Variants in TENM3 observed in about 807,000 individuals in gnomAD.
The protein encoded by TENM3 is teneurin transmembrane protein 3.
In TENM3, 63 loss-of-function variants were observed where a neutral mutation model predicts 255.1. The observed-to-expected ratio is 0.25, with a 90% CI of 0.20 to 0.30. TENM3 has a LOEUF of 0.30. Among genes scored for constraint, TENM3 ranks in the 10% least tolerant of loss-of-function variants. The probability of loss-of-function intolerance (pLI) is 1.00; values close to 1 mark genes in which losing one functional copy is unlikely to be tolerated. For missense variants in TENM3, 2,929 were observed against 3,461.1 expected (o/e 0.85, Z 3.86); for synonymous variants, 1,306 against 1,322.3 (o/e 0.99, Z 0.27).
the TENM3 span, among the ~76,000 whole-genome samples, chr4:181,570,239 G>T: frequency 6.6e-6 from 1 of 151,834 alleles, no homozygotes; most frequent in Admixed American, 6.6e-5. Flanking sequence ...TAGAGACGGG[G>T]TTTCACCTTG....
rs573778586 is a variant in TENM3 at position 182,306,423 on chromosome 4, TAA to T, written c.-75-17522_-75-17521del. 5.1e-4 allele frequency among the ~76,000 whole-genome samples: 78 copies of T among 152,300 alleles called. 1 individual carries two copies. In the South Asian group the frequency reaches 8.5e-3, roughly 17 times the overall value. ...TTGAAAGCATACGTGAAAATGTTTA[TAA>T]GTTATAATACATTTTATATGTATGT... On this transcript the variant is annotated intron_variant, in intron 1 of 27. Coordinates refer to ENST00000511685, the MANE Select transcript of TENM3 (RefSeq NM_001080477.4).
chr4:181,840,535 C>G, the TENM3 span, among the ~76,000 whole-genome samples: 23 of 152,098 alleles, frequency 1.5e-4, no homozygotes, highest in African/African-American at 5.1e-4. Context: ...GAATTACGGA[C>G]AGTAGGCTGC....
the TENM3 span, among the ~76,000 whole-genome samples, chr4:181,503,402 CA>C: frequency 6.6e-6 from 1 of 152,156 alleles, no homozygotes; most frequent in Admixed American, 6.5e-5. Context: ...ATCATTTATA[CA>C]GTGACATATA....
At chr4:181,540,284 C>T in the TENM3 span, among the ~76,000 whole-genome samples, 2 of 151,910 alleles carry the variant, frequency 1.3e-5, no homozygotes, top group Admixed American at 1.3e-4. Flanking sequence ...AAATAACGGG[C>T]CACAAGTACT....
At chr4:181,591,355 C>T in the TENM3 span, among the ~76,000 whole-genome samples, 2 of 152,146 alleles carry the variant, frequency 1.3e-5, no homozygotes, top group African/African-American at 4.8e-5. Context: ...GTCTATGACC[C>T]ATCCATTCAA....
chr4:182,551,324 A>G (rs1741989570), intron 3 of TENM3, among the ~76,000 whole-genome samples: 1 of 152,102 alleles, frequency 6.6e-6, no homozygotes, highest in African/African-American at 2.4e-5. Flanking sequence ...GCTCTCAGCT[A>G]AAATTTTCTG....
At chr4:181,768,693 T>C in the TENM3 span, among the ~76,000 whole-genome samples, 1 of 152,192 alleles carries the variant, frequency 6.6e-6, no homozygotes, top group African/African-American at 2.4e-5. Context: ...TTCATAAGTA[T>C]GCTTTTATTA....
chr4:182,613,537 A>T (rs983062955), intron 4 of TENM3, among the ~76,000 whole-genome samples: 1 of 152,154 alleles, frequency 6.6e-6, no homozygotes, highest in Admixed American at 6.5e-5. Context: ...AGCTGTGGTT[A>T]TGCTTAAATT....
intron 3 of TENM3, among the ~76,000 whole-genome samples, chr4:182,592,926 A>G (rs1287546716): frequency 2.6e-5 from 4 of 152,256 alleles, no homozygotes; most frequent in African/African-American, 9.6e-5. Flanking sequence ...CAAATCATCC[A>G]TAAATATGTT....
chr4:182,336,930 G>T (rs186940415), intron 2 of TENM3, among the ~76,000 whole-genome samples: 3 of 148,636 alleles, frequency 2.0e-5, no homozygotes, highest in Non-Finnish European at 4.4e-5. Flanking sequence ...ATCTTTGAGA[G>T]CCTCTGAGTC....
the TENM3 span, among the ~76,000 whole-genome samples, chr4:181,872,954 CT>C: frequency 2.0e-5 from 3 of 151,982 alleles, no homozygotes; most frequent in Non-Finnish European, 2.9e-5. Context: ...TTGCCTTATT[CT>C]CTTATTTTTA....
intron 22 of TENM3, among the ~76,000 whole-genome samples, chr4:182,766,106 G>T (rs887979655): frequency 5.9e-5 from 9 of 152,138 alleles, no homozygotes; most frequent in African/African-American, 2.2e-4. Context: ...CTCGCTCAGT[G>T]CCAGGGTGTG....
chr4:181,914,356 G>A, the TENM3 span, among the ~76,000 whole-genome samples: 2 of 152,112 alleles, frequency 1.3e-5, no homozygotes, highest in Admixed American at 6.6e-5. Flanking sequence ...ATCTCCTCCT[G>A]TGTGAGGACA....
At chr4:182,104,721 C>T in the TENM3 span, among the ~76,000 whole-genome samples, 3 of 151,914 alleles carry the variant, frequency 2.0e-5, no homozygotes, top group East Asian at 1.9e-4. Flanking sequence ...ACTATGTTGG[C>T]GAGGCTGGTC....
intron 3 of TENM3, among the ~76,000 whole-genome samples, chr4:182,558,424 A>G (rs1435118640): frequency 2.6e-5 from 4 of 152,186 alleles, no homozygotes; most frequent in African/African-American, 4.8e-5. Context: ...ACACTTGTAT[A>G]TCTTCATGTT....
chr4:182,197,069 T>C (rs1399243630), intron 1 of TENM3, among the ~76,000 whole-genome samples: 1 of 152,228 alleles, frequency 6.6e-6, no homozygotes, highest in African/African-American at 2.4e-5. Flanking sequence ...AGTTTCACAA[T>C]TTAAACTCCT....
At chr4:182,673,689 T>C (rs1236378796) in intron 7 of TENM3, among the ~76,000 whole-genome samples, 4 of 152,226 alleles carry the variant, frequency 2.6e-5, no homozygotes, top group Non-Finnish European at 5.9e-5. Context: ...TATGATGACA[T>C]GAGCTTTATC....
In TENM3 at chr4:182,365,653, G is replaced by A. The variant is rs17073144; in HGVS notation, c.511+18724G>A. On this transcript the variant is annotated intron_variant, in intron 3 of 27. Coordinates refer to ENST00000511685, the MANE Select transcript of TENM3 (RefSeq NM_001080477.4). ...AAAAACATAAAGCAGGCGATAAATA[G>A]CACTGGGAGGTAAATCTCTTTTCAT... Among the ~76,000 whole-genome samples, 403 of 152,308 alleles carry A rather than the reference G, an allele frequency of 2.6e-3. 1 individual carries two copies. The highest frequency in any genetic ancestry group is 9.2e-3 in the African/African-American group (381 of 41,558).
At chr4:182,180,041 T>C (rs1043222727) in intron 1 of TENM3, among the ~76,000 whole-genome samples, 1 of 152,140 alleles carries the variant, frequency 6.6e-6, no homozygotes, top group East Asian at 1.9e-4. Flanking sequence ...CTTAAGTATT[T>C]GTGGGGCAGA....
Sources: allele counts gnomAD v4.1 joint callset (sites outside exome capture counted in the v4.1 genomes callset), GRCh38; gene constraint gnomAD v4.1.1; transcripts MANE v1.5; gene names NCBI Gene and HGNC (gene_info 2026-07-23, HGNC 2026-07-21).